Variants in IL10 observed in about 807,000 individuals in gnomAD.
IL10 encodes interleukin-10.
In IL10, 7 loss-of-function variants were observed where a neutral mutation model predicts 21.0. The observed-to-expected ratio is 0.33, with a 90% CI of 0.19 to 0.63. IL10 has a LOEUF of 0.63. Among genes scored for constraint, IL10 ranks in the 20% least tolerant of loss-of-function variants. IL10 has a pLI of 0.77. For missense variants in IL10, 161 were observed against 213.0 expected (o/e 0.76, Z 1.52); for synonymous variants, 83 against 79.7 (o/e 1.04, Z -0.22).
intron 1 of IL10, 88 bp downstream of exon 1, chr1:206,772,183 G>A (rs768067866): frequency 1.8e-5 from 21 of 1,157,564 alleles, no homozygotes; most frequent in Admixed American, 6.9e-5. Context: ...AGGTGGAGGC[G>A]CAGGAGGAGG....
Position 206,767,755 on chromosome 1 carries a change from A to T in IL10, c.*881T>A, listed in dbSNP as rs563939146. Reference sequence around the variant, plus strand: ...TTTTTATTTTTATTTTTTGAGACAGAGTCTTGCTCTGTCACCCAGGCTGGA... The same window carrying T: ...TTTTTATTTTTATTTTTTGAGACAGTGTCTTGCTCTGTCACCCAGGCTGGA... On this transcript the variant is annotated 3_prime_UTR_variant, in exon 5 of 5. Transcript: ENST00000423557. The T allele has an allele frequency of 1.3e-5, 2 of 152,410 alleles. No homozygotes were observed. Among genetic ancestry groups the T allele is most frequent in the Admixed American group, 1.3e-4 (2 of 15,296 alleles). The allele number at this position is 152,410 out of a possible 1,614,324, so 9.4% of individuals were successfully genotyped here.
intron 4 of IL10, 37 bp downstream of exon 4, chr1:206,769,792 T>C: frequency 6.5e-7 from 1 of 1,538,098 alleles, no homozygotes; most frequent in Non-Finnish European, 9.0e-7. Flanking sequence ...GCATGGGTTG[T>C]GCTCTGCAGA....
At chr1:206,770,049 C>T (rs1674776970) in intron 3 of IL10, among the ~76,000 whole-genome samples, 155 bp from the exon 4 acceptor site, 1 of 152,138 alleles carries the variant, frequency 6.6e-6, no homozygotes, top group Non-Finnish European at 1.5e-5. Context: ...CTTCCATGGC[C>T]CTGGGAGTTA....
rs762018888 is a variant in IL10 at position 206,770,944 on chromosome 1, T to C, written c.341A>G (p.Glu114Gly). The C allele has an allele frequency of 6.2e-7, 1 of 1,614,114 alleles. No homozygotes were observed. The highest frequency in any genetic ancestry group is 1.1e-5 in the South Asian group (1 of 91,080). Residue 114 changes from glutamate to glycine, a missense_variant, in exon 3 of 5, where the codon GAG (glutamate) becomes GGG (glycine). Glu to Gly is a moderately conservative substitution (Grantham distance 98, BLOSUM62 -2). Coordinates refer to ENST00000423557, the MANE Select transcript of IL10 (RefSeq NM_000572.3). Reference sequence around the variant, plus strand: ...CCTCAGCCTGAGGGTCTTCAGGTTCTCCCCCAGGGAGTTCACATGCGCCTT... The same window carrying C: ...CCTCAGCCTGAGGGTCTTCAGGTTCCCCCCCAGGGAGTTCACATGCGCCTT... ...DIKAHVNSLG[E>G]NLKTLRLRLR...
At chr1:206,769,804 C>T in intron 4 of IL10, 25 bp downstream of exon 4, 1 of 1,594,444 alleles carries the variant, frequency 6.3e-7, no homozygotes, top group Non-Finnish European at 8.6e-7. Context: ...CTCTGCAGAC[C>T]CTCTCTGCCA....
In IL10 at chr1:206,767,724, A is replaced by C. The variant is rs1018588769; in HGVS notation, c.*912T>G. On this transcript the variant is annotated 3_prime_UTR_variant, in exon 5 of 5. Transcript: ENST00000423557. ...TTAAAACTGAGTTCTATTAGAACCA[A>C]ATTTATTTTTATTTTTATTTTTTGA... The C allele has an allele frequency of 2.6e-5, 4 of 152,174 alleles. No individual in the cohort carries two copies. The highest frequency in any genetic ancestry group is 9.7e-5 in the African/African-American group (4 of 41,406). 9.4% of individuals were successfully genotyped at this position (152,174 alleles called of 1,614,324 possible).
At chr1:206,770,164 T>C (rs1170452216) in intron 3 of IL10, among the ~76,000 whole-genome samples, 1 of 152,192 alleles carries the variant, frequency 6.6e-6, no homozygotes, top group Non-Finnish European at 1.5e-5. Context: ...TCTCCTGCAG[T>C]GCTGAGCGAG....
At chr1:206,770,285 C>A (rs1021825308) in intron 3 of IL10, 1 of 359,878 alleles carries the variant, frequency 2.8e-6, no homozygotes, top group Non-Finnish European at 5.4e-6. Context: ...GGGACCAAAC[C>A]CTTCACATAG....
rs1674736319 is a variant in IL10 at position 206,768,728 on chromosome 1, GC to G, written c.445-1del. ...GCTTTGTAGATGCCTTTCTCTTGGAGCTGTGCAGAGAGATAAGAAACATACA... is the reference window on the plus strand; with the variant it reads ...GCTTTGTAGATGCCTTTCTCTTGGAGTGTGCAGAGAGATAAGAAACATACA... On this transcript the variant is annotated splice_acceptor_variant, in intron 4 of 4. Coordinates refer to ENST00000423557, the MANE Select transcript of IL10 (RefSeq NM_000572.3). LOFTEE classifies it high-confidence loss of function. 1 of 1,584,762 alleles carries G rather than the reference GC, an allele frequency of 6.3e-7. No homozygotes were observed. The highest frequency in any genetic ancestry group is 8.7e-7 in the Non-Finnish European group (1 of 1,153,438).
Position 206,768,437 on chromosome 1 carries a change from C to A in IL10, c.*199G>T. Reference sequence around the variant, plus strand: ...TATTGAAAAAAATTATAATATTGGGCTTCTTTCTAAATCGTTCACAGAGAA... The same window carrying A: ...TATTGAAAAAAATTATAATATTGGGATTCTTTCTAAATCGTTCACAGAGAA... On this transcript the variant is annotated 3_prime_UTR_variant, in exon 5 of 5. Transcript: ENST00000423557. 3.6e-6 allele frequency: 2 copies of A among 557,846 alleles called. No homozygotes were observed. The highest frequency in any genetic ancestry group is 2.3e-5 in the South Asian group (1 of 43,210). 34.6% of individuals were successfully genotyped at this position (557,846 alleles called of 1,614,324 possible). A position where few individuals can be genotyped will look rare whatever the true frequency, so the allele number is the denominator to read the frequency against.
At position 206,768,112 on chromosome 1, in the gene IL10, A is replaced by G. The variant is rs780158047; in HGVS notation, c.*524T>C. ...GTGGTTGGGGAATGAGGTTAGGGGA[A>G]TCCCTCCGAGACACTGGAAGGTGAA... On this transcript the variant is annotated 3_prime_UTR_variant, in exon 5 of 5. Transcript: ENST00000423557. 58 of 212,894 alleles carry G rather than the reference A, an allele frequency of 2.7e-4. No individual in the cohort carries two copies. Among genetic ancestry groups the G allele is most frequent in the Non-Finnish European group, 5.0e-4 (53 of 105,318 alleles). The allele number at this position is 212,894 out of a possible 1,614,324, so 13.2% of individuals were successfully genotyped here.
Position 206,770,705 on chromosome 1 carries a change from A to G in IL10, c.378+202T>C, listed in dbSNP as rs187648997. 10 of 602,892 alleles carry G rather than the reference A, an allele frequency of 1.7e-5. No homozygotes were observed. In the East Asian group the frequency reaches 2.2e-4, roughly 13 times the overall value. 37.3% of individuals were successfully genotyped at this position (602,892 alleles called of 1,614,324 possible). A position where few individuals can be genotyped will look rare whatever the true frequency, so the allele number is the denominator to read the frequency against. On this transcript the variant is annotated intron_variant, in intron 3 of 4. Coordinates refer to ENST00000423557, the MANE Select transcript of IL10 (RefSeq NM_000572.3). ...CAGGAAAGCTGTTTGCAAATTTCAC[A>G]TGTAAATGCCTAGCAGCCACCCCCA...
intron 2 of IL10, 107 bp from the exon 3 acceptor site, chr1:206,771,166 AC>A: frequency 1.5e-6 from 2 of 1,331,710 alleles, no homozygotes; most frequent in Non-Finnish European, 2.2e-6. Context: ...ATCCTCCTTC[AC>A]CAGAAGCCTC....
At chr1:206,769,943 G>T (rs112544068) in intron 3 of IL10, 49 bp from the exon 4 acceptor site, 1 of 1,485,876 alleles carries the variant, frequency 6.7e-7, no homozygotes, top group Non-Finnish European at 9.4e-7. Flanking sequence ...CCAGCTCCAT[G>T]TCCATCACAC....
rs1467623325 is a variant in IL10 at position 206,769,911 on chromosome 1, A to G, written c.379-17T>C. Reference sequence around the variant, plus strand: ...AAATCGATGCTGTGGAAGAAAAGAGAAAGTGTTGGTGATCCTGGCTTCCAG... The same window carrying G: ...AAATCGATGCTGTGGAAGAAAAGAGGAAGTGTTGGTGATCCTGGCTTCCAG... On this transcript the variant is annotated splice_polypyrimidine_tract_variant and intron_variant, in intron 3 of 4. Transcript: ENST00000423557. The G allele has an allele frequency of 6.8e-6, 11 of 1,610,478 alleles. No homozygotes were observed. Among genetic ancestry groups the G allele is most frequent in the Non-Finnish European group, 8.5e-6 (10 of 1,176,790 alleles).
intron 2 of IL10, 34 bp from the exon 3 acceptor site, chr1:206,771,093 G>A (rs1244020715): frequency 1.2e-6 from 2 of 1,612,798 alleles, no homozygotes; most frequent in South Asian, 2.2e-5. Context: ...GTGAGAGATT[G>A]GCGGAGGTGG....
Position 206,771,430 on chromosome 1 carries a change from A to T in IL10, c.166-15T>A, listed in dbSNP as rs191140520. ...TCCTTCATTTGCTGCAGGAAGAACA[A>T]AAGGAGAATGAACTTGAGGTTTGGG... On this transcript the variant is annotated splice_polypyrimidine_tract_variant and intron_variant, in intron 1 of 4. Coordinates refer to ENST00000423557, the MANE Select transcript of IL10 (RefSeq NM_000572.3). The T allele has an allele frequency of 1.2e-5, 19 of 1,596,430 alleles. No individual in the cohort carries two copies. Among genetic ancestry groups the T allele is most frequent in the Non-Finnish European group, 1.5e-5 (17 of 1,170,260 alleles).
At chr1:206,770,816 G>A (rs1242617323) in intron 3 of IL10, 91 bp downstream of exon 3, 2 of 1,228,152 alleles carry the variant, frequency 1.6e-6, no homozygotes, top group Non-Finnish European at 2.4e-6. Flanking sequence ...CTGTGTCTTT[G>A]CTGTGTCTGT....
chr1:206,770,820 T>C (rs1487166100), intron 3 of IL10, 87 bp downstream of exon 3: 1 of 1,257,860 alleles, frequency 8.0e-7, no homozygotes, highest in Non-Finnish European at 1.2e-6. Context: ...GTCTTTGCTG[T>C]GTCTGTGGAT....
Sources: gnomAD v4.1 joint callset for allele counts (sites outside exome capture counted in the v4.1 genomes callset) on GRCh38, gnomAD v4.1.1 for gene constraint, MANE v1.5 for transcripts, NCBI Gene and HGNC (gene_info 2026-07-23, HGNC 2026-07-21) for gene names.